The following NAALADL2 variants were observed in gnomAD, a reference collection of about 807,000 sequenced individuals.
NAALADL2 encodes inactive N-acetylated-alpha-linked acidic dipeptidase-like protein 2.
NAALADL2 carries 76 observed loss-of-function variants against 87.2 expected under a neutral mutation model. The ratio of observed to expected loss-of-function variants is 0.87; its 90% confidence interval spans 0.72 to 1.05. The LOEUF is 1.05. NAALADL2 is among the 50% of genes least tolerant of loss of function. The probability of loss-of-function intolerance (pLI) is 0.00; values close to 1 mark genes in which losing one functional copy is unlikely to be tolerated. For synonymous variants in NAALADL2, 354 were observed against 331.0 expected (o/e 1.07, Z -0.75); for missense variants, 1,089 against 945.8 (o/e 1.15, Z -1.99).
intron 2 of NAALADL2, among the ~76,000 whole-genome samples, chr3:175,220,639 G>A (rs1027363201): frequency 1.3e-5 from 2 of 151,740 alleles, no homozygotes; most frequent in Non-Finnish European, 2.9e-5. Context: ...CAAATATATA[G>A]CCAGTAATTC....
chr3:174,952,949 A>T (rs1443558844), intron 1 of NAALADL2, among the ~76,000 whole-genome samples: 1 of 151,956 alleles, frequency 6.6e-6, no homozygotes, highest in Non-Finnish European at 1.5e-5. Flanking sequence ...ATTATACATC[A>T]TATTAGAAAT....
At chr3:175,187,604 A>G (rs187640145) in intron 2 of NAALADL2, among the ~76,000 whole-genome samples, 324 of 152,330 alleles carry the variant, frequency 2.1e-3, no homozygotes, top group Middle Eastern at 0.01. Flanking sequence ...CTCAAAATAT[A>G]TAAAGACTAA....
chr3:175,603,237 T>A (rs10804859), intron 10 of NAALADL2, among the ~76,000 whole-genome samples: 97,926 of 152,084 alleles, frequency 0.64, 34,159 homozygotes, highest in East Asian at 0.85. Flanking sequence ...GTTACATTTT[T>A]AAAATGCATT....
intron 1 of NAALADL2, among the ~76,000 whole-genome samples, chr3:174,935,958 C>T (rs1465474483): frequency 6.6e-6 from 1 of 151,910 alleles, no homozygotes; most frequent in Non-Finnish European, 1.5e-5. Flanking sequence ...ATTTCTTTTC[C>T]CATAATGATG....
intron 2 of NAALADL2, among the ~76,000 whole-genome samples, chr3:175,173,343 A>AATAC: frequency 6.6e-6 from 1 of 151,468 alleles, no homozygotes; most frequent in Non-Finnish European, 1.5e-5. Flanking sequence ...TAAATAAATA[A>AATAC]ATAAATAAGC....
intron 2 of NAALADL2, among the ~76,000 whole-genome samples, chr3:174,568,837 AATT>A (rs1398602473): frequency 3.3e-5 from 5 of 151,128 alleles, no homozygotes; most frequent in African/African-American, 9.7e-5. Flanking sequence ...CTTTTTTTAA[AATT>A]ATTATTCTTT....
chr3:175,378,139 G>C (rs75525831), intron 5 of NAALADL2, among the ~76,000 whole-genome samples: 25,331 of 151,554 alleles, frequency 0.17, 2,429 homozygotes, highest in African/African-American at 0.25. Context: ...GCACCCCCAA[G>C]TCCAGACACT....
intron 1 of NAALADL2, among the ~76,000 whole-genome samples, chr3:174,474,417 A>C (rs1012257404): frequency 6.6e-6 from 1 of 152,174 alleles, no homozygotes; most frequent in Non-Finnish European, 1.5e-5. Context: ...GAGTTTTTCA[A>C]TGAAGAACTA....
chr3:175,406,942 AG>A (rs1239375613), intron 5 of NAALADL2, among the ~76,000 whole-genome samples: 3 of 151,926 alleles, frequency 2.0e-5, no homozygotes, highest in Non-Finnish European at 4.4e-5. Context: ...GCACTTTGGG[AG>A]GCTGAGGTGG....
At chr3:175,357,349 GA>G (rs1764498707) in intron 5 of NAALADL2, among the ~76,000 whole-genome samples, 1 of 152,168 alleles carries the variant, frequency 6.6e-6, no homozygotes, top group South Asian at 2.1e-4. Context: ...ATGTATTGGA[GA>G]AAGGAGTTTT....
intron 3 of NAALADL2, among the ~76,000 whole-genome samples, chr3:174,821,439 C>G (rs1168565548): frequency 2.0e-5 from 3 of 152,146 alleles, no homozygotes; most frequent in Admixed American, 1.3e-4. Flanking sequence ...GAAACACTTG[C>G]TCCCTTCTTT....
In NAALADL2 at chr3:175,305,783, A is replaced by G. The variant is rs546977636; in HGVS notation, c.940-18392A>G. Reference sequence around the variant, plus strand: ...GTGATCCACCTGCCTCGGCCTCCCAAAGTGCTGGGATTACAGGCGTGAGCC... The same window carrying G: ...GTGATCCACCTGCCTCGGCCTCCCAGAGTGCTGGGATTACAGGCGTGAGCC... On this transcript the variant is annotated intron_variant, in intron 4 of 13. Transcript: ENST00000454872. 3.9e-5 allele frequency among the ~76,000 whole-genome samples: 6 copies of G among 152,208 alleles called. No individual in the cohort carries two copies. The East Asian group carries it at 1.2e-3, about 29-fold the overall frequency.
intron 2 of NAALADL2, among the ~76,000 whole-genome samples, chr3:174,637,743 G>A (rs903117338): frequency 2.0e-5 from 3 of 151,774 alleles, no homozygotes; most frequent in African/African-American, 4.8e-5. Context: ...AATACAAAAC[G>A]GTACATTTAT....
rs1003890447 is a variant in NAALADL2 at position 175,704,628 on chromosome 3, C to T, written c.1897-32678C>T. On this transcript the variant is annotated intron_variant, in intron 11 of 13. Coordinates refer to ENST00000454872, the MANE Select transcript of NAALADL2 (RefSeq NM_207015.3). ...TATGTCCTCTCTACCCACCGACTCT[C>T]GATACAGAGTCTTTCCACATACAAA... 2.6e-5 allele frequency among the ~76,000 whole-genome samples: 4 copies of T among 152,266 alleles called. No homozygotes were observed. The South Asian group carries it at 6.2e-4, about 24-fold the overall frequency.
intron 11 of NAALADL2, among the ~76,000 whole-genome samples, chr3:175,673,135 A>T (rs1482414822): frequency 6.6e-6 from 1 of 152,150 alleles, no homozygotes; most frequent in Non-Finnish European, 1.5e-5. Context: ...CAGCTGACTC[A>T]CTTCTGTCAT....
chr3:175,473,636 TATATAAAGG>T (rs763219268), intron 9 of NAALADL2, among the ~76,000 whole-genome samples: 3 of 151,764 alleles, frequency 2.0e-5, no homozygotes, highest in Non-Finnish European at 4.4e-5. Context: ...AAAACTCAAA[TATATAAAGG>T]TTTATACATT....
chr3:175,747,780 T>A (rs555549346), intron 12 of NAALADL2, among the ~76,000 whole-genome samples: 2 of 152,284 alleles, frequency 1.3e-5, no homozygotes, highest in South Asian at 4.1e-4. Flanking sequence ...TTCAGGAATG[T>A]TTTTGCTCAT....
intron 5 of NAALADL2, among the ~76,000 whole-genome samples, chr3:175,352,856 A>G (rs1399625143): frequency 6.6e-6 from 1 of 151,684 alleles, no homozygotes; most frequent in Non-Finnish European, 1.5e-5. Flanking sequence ...TAGAAAAGGA[A>G]AAGACAAGAA....
intron 9 of NAALADL2, among the ~76,000 whole-genome samples, chr3:175,479,988 C>T (rs181166159): frequency 3.2e-4 from 49 of 151,868 alleles, no homozygotes; most frequent in Non-Finnish European, 5.2e-4. Flanking sequence ...GGTGCTCAAA[C>T]ACTGCACTGA....
Sources: gnomAD v4.1 joint callset for allele counts (sites outside exome capture counted in the v4.1 genomes callset) on GRCh38, gnomAD v4.1.1 for gene constraint, MANE v1.5 for transcripts, NCBI Gene and HGNC (gene_info 2026-07-23, HGNC 2026-07-21) for gene names.